The following GRB2 variants were observed in gnomAD, a reference collection of about 807,000 sequenced individuals.
GRB2 encodes the protein growth factor receptor bound protein 2.
Under a neutral mutation model 27.4 loss-of-function variants are expected in GRB2, and 2 were observed. That is an observed-to-expected ratio of 0.07 (90% CI 0.03 to 0.23). GRB2 has a LOEUF of 0.23. Ranked by LOEUF, GRB2 falls within the 10% of genes least tolerant of loss-of-function variation. GRB2 has a pLI of 1.00. For missense variants in GRB2, 102 were observed against 282.4 expected (o/e 0.36, Z 4.58); for synonymous variants, 94 against 99.6 (o/e 0.94, Z 0.33).
chr17:75,334,231 C>T (rs1224255272), intron 2 of GRB2, among the ~76,000 whole-genome samples: 3 of 151,832 alleles, frequency 2.0e-5, no homozygotes, highest in Admixed American at 6.6e-5. Flanking sequence ...AGTGCAGTGG[C>T]GCGATCTCGG....
chr17:75,328,886 C>T (rs541360014), intron 3 of GRB2, among the ~76,000 whole-genome samples: 11 of 151,846 alleles, frequency 7.2e-5, no homozygotes, highest in South Asian at 4.2e-4. Context: ...TGCAGTGAGC[C>T]GAGATCGCGC....
chr17:75,366,618 G>A (rs2078821661), intron 2 of GRB2, among the ~76,000 whole-genome samples: 2 of 151,858 alleles, frequency 1.3e-5, no homozygotes. Context: ...GGGCACCTGG[G>A]CAACATGGCA....
rs527380286 is a variant in GRB2 at position 75,334,300 on chromosome 17, G to A, written c.79-1503C>T. Among the ~76,000 whole-genome samples, 6 of 151,826 alleles carry A rather than the reference G, an allele frequency of 4.0e-5. No homozygotes were observed. In the East Asian group the frequency reaches 9.7e-4, roughly 25 times the overall value. On this transcript the variant is annotated intron_variant, in intron 2 of 5. Transcript: ENST00000316804. ...ATTCTCTTGCCTCAGCCTCCCGAGT[G>A]GCTGGGACTACAGGCGCCTGCCACC... is the stretch of plus-strand genomic sequence containing the variant.
chr17:75,325,160 A>C (rs1202196106), intron 4 of GRB2, among the ~76,000 whole-genome samples: 1 of 152,226 alleles, frequency 6.6e-6, no homozygotes, highest in Non-Finnish European at 1.5e-5. Flanking sequence ...TAAACTAAGT[A>C]GTGATCTGAG....
intron 2 of GRB2, among the ~76,000 whole-genome samples, chr17:75,365,905 T>C (rs373424895): frequency 1.3e-5 from 2 of 152,318 alleles, no homozygotes. Context: ...TGCCCATTTC[T>C]ACCTGTAGAA....
intron 2 of GRB2, among the ~76,000 whole-genome samples, chr17:75,345,331 A>C (rs1244403847): frequency 2.0e-5 from 3 of 152,080 alleles, no homozygotes; most frequent in Non-Finnish European, 2.9e-5. Context: ...GGCGTGAACC[A>C]CCGCACCCCG....
chr17:75,387,776 C>A (rs1056073474), intron 2 of GRB2: 1 of 151,052 alleles, frequency 6.6e-6, no homozygotes, highest in East Asian at 1.9e-4. Context: ...CCAGCCTGGG[C>A]GACAGAGTGA....
At chr17:75,378,411 C>T (rs924391598) in intron 2 of GRB2, among the ~76,000 whole-genome samples, 51 of 152,036 alleles carry the variant, frequency 3.4e-4, no homozygotes, top group African/African-American at 1.1e-3. Flanking sequence ...AACACCCAAA[C>T]CCAAAAGCAA....
At position 75,352,874 on chromosome 17, in the gene GRB2, GTTTT is replaced by G. The variant is rs374164944; in HGVS notation, c.79-20081_79-20078del. Among the ~76,000 whole-genome samples the G allele has an allele frequency of 5.5e-4, 81 of 147,512 alleles. 1 individual carries two copies. The highest frequency in any genetic ancestry group is 2.0e-3 in the African/African-American group (78 of 39,350). ...GTTCTCTGGGAGAAAAAGTTAACTT[GTTTT>G]TTTTTTTTTTTTAAAAGACATAGTT... is the stretch of plus-strand genomic sequence containing the variant. On this transcript the variant is annotated intron_variant, in intron 2 of 5. Transcript: ENST00000316804.
intron 2 of GRB2, among the ~76,000 whole-genome samples, chr17:75,341,994 G>A (rs1020701840): frequency 1.3e-5 from 2 of 151,964 alleles, no homozygotes; most frequent in South Asian, 2.1e-4. Flanking sequence ...GAGCCCTGCC[G>A]TGCAGTCAGC....
chr17:75,348,599 G>T (rs1449644659), intron 2 of GRB2, among the ~76,000 whole-genome samples: 1 of 152,190 alleles, frequency 6.6e-6, no homozygotes, highest in Non-Finnish European at 1.5e-5. Flanking sequence ...TAAATAAAGA[G>T]GAAATAAGTA....
At chr17:75,376,216 G>A (rs1232887388) in intron 2 of GRB2, among the ~76,000 whole-genome samples, 1 of 149,994 alleles carries the variant, frequency 6.7e-6, no homozygotes, top group Non-Finnish European at 1.5e-5. Flanking sequence ...GTCGGCATGC[G>A]CCTATATAGT....
chr17:75,374,403 CAAA>C (rs56404809), intron 2 of GRB2, among the ~76,000 whole-genome samples: 5 of 88,788 alleles, frequency 5.6e-5, no homozygotes, highest in Admixed American at 1.4e-4. Context: ...GACTCCATAT[CAAA>C]AAAAAAAAAA....
chr17:75,346,621 T>C (rs12940188), intron 2 of GRB2, among the ~76,000 whole-genome samples: 83,096 of 137,318 alleles, frequency 0.61, 29,476 homozygotes, highest in East Asian at 0.86. Context: ...TCACACTCTT[T>C]GCACAGGCAG....
intron 1 of GRB2, among the ~76,000 whole-genome samples, chr17:75,396,237 ACTTTTT>A (rs1329123584): frequency 6.7e-6 from 1 of 149,906 alleles, no homozygotes; most frequent in African/African-American, 2.5e-5. Context: ...ATCTACTTTT[ACTTTTT>A]CTTTTCTCTT....
Position 75,343,421 on chromosome 17 carries a change from T to C in GRB2, c.79-10624A>G, listed in dbSNP as rs578067992. Among the ~76,000 whole-genome samples the C allele has an allele frequency of 3.0e-3, 454 of 152,288 alleles. 4 individuals are homozygous for C. The highest frequency in any genetic ancestry group is 0.011 in the African/African-American group (438 of 41,546). On this transcript the variant is annotated intron_variant, in intron 2 of 5. Coordinates refer to ENST00000316804, the MANE Select transcript of GRB2 (RefSeq NM_002086.5). The stretch of plus-strand genomic sequence containing the variant: ...TTAAGAGACCAGGACTATTCATGTA[T>C]TAAAAAAGTTTCTTTATAATGTTCA...
intron 4 of GRB2, 29 bp downstream of exon 4, chr17:75,325,869 T>C: frequency 6.2e-7 from 1 of 1,612,080 alleles, no homozygotes; most frequent in Non-Finnish European, 8.5e-7. Context: ...GAGACAGGAT[T>C]CCAGGCAACT....
chr17:75,358,874 C>T (rs1253825722), intron 2 of GRB2, among the ~76,000 whole-genome samples: 18 of 66,448 alleles, frequency 2.7e-4, no homozygotes, highest in African/African-American at 8.3e-4. Flanking sequence ...CAGGGCAAGA[C>T]TCTGTCTCAA....
chr17:75,385,937 T>A (rs9900002), intron 2 of GRB2, among the ~76,000 whole-genome samples: 100,462 of 152,008 alleles, frequency 0.66, 38,189 homozygotes, highest in East Asian at 0.91. Context: ...CTTTTTGGCT[T>A]GTATGGCAAT....
Sources: allele counts gnomAD v4.1 joint callset (sites outside exome capture counted in the v4.1 genomes callset), GRCh38; gene constraint gnomAD v4.1.1; transcripts MANE v1.5; gene names NCBI Gene and HGNC (gene_info 2026-07-23, HGNC 2026-07-21).